Variants in AKAP19 observed in about 807,000 individuals in gnomAD.
The protein encoded by AKAP19 is A-kinase anchoring protein 19, also known as small A-kinase anchoring protein.
chr2:190,100,920 C>G, the AKAP19 span, among the ~76,000 whole-genome samples: 958 of 152,252 alleles, frequency 6.3e-3, 15 homozygotes, highest in African/African-American at 0.021. Context: ...CAGAGAGCCT[C>G]CCTCTGTAAC....
the AKAP19 span, among the ~76,000 whole-genome samples, chr2:190,115,443 C>G: frequency 2.2e-5 from 3 of 135,868 alleles, no homozygotes; most frequent in East Asian, 6.6e-4. Context: ...CCTCAGCCTC[C>G]CAAGTAGCTG....
At chr2:189,981,685 A>C in the AKAP19 span, among the ~76,000 whole-genome samples, 1 of 152,164 alleles carries the variant, frequency 6.6e-6, no homozygotes, top group African/African-American at 2.4e-5. Flanking sequence ...CATTTCTTGT[A>C]GTTTCAGCCT....
the AKAP19 span, among the ~76,000 whole-genome samples, chr2:189,936,259 TAC>T: frequency 0.19 from 27,720 of 148,928 alleles, 2,573 homozygotes; most frequent in Middle Eastern, 0.25. Flanking sequence ...GACTTGTTGA[TAC>T]ACACACACAC....
the AKAP19 span, among the ~76,000 whole-genome samples, chr2:190,153,690 TA>T: frequency 6.6e-6 from 1 of 152,208 alleles, no homozygotes; most frequent in Non-Finnish European, 1.5e-5. Flanking sequence ...TATGGTAAAT[TA>T]CATTAATATA....
chr2:190,152,251 C>G, the AKAP19 span, among the ~76,000 whole-genome samples: 1 of 152,180 alleles, frequency 6.6e-6, no homozygotes. Flanking sequence ...ATACTTTTAT[C>G]ATTTCATTTC....
chr2:189,978,057 G>A, the AKAP19 span, among the ~76,000 whole-genome samples: 1 of 152,070 alleles, frequency 6.6e-6, no homozygotes, highest in Non-Finnish European at 1.5e-5. Context: ...GGTGGGCTAG[G>A]CTAAGCTATC....
the AKAP19 span, among the ~76,000 whole-genome samples, chr2:190,038,901 T>TTTCTTTCTTTCTTCTTCTTC: frequency 4.3e-4 from 20 of 46,012 alleles, no homozygotes; most frequent in African/African-American, 1.4e-3. Flanking sequence ...TCTTTCTTTC[T>TTTCTTTCTTTCTTCTTCTTC]TTCTTCTTCT....
the AKAP19 span, among the ~76,000 whole-genome samples, chr2:189,957,704 G>T: frequency 2.0e-5 from 3 of 152,110 alleles, no homozygotes; most frequent in Non-Finnish European, 4.4e-5. Context: ...TAACAGCTGT[G>T]AAAAATAGTT....
the AKAP19 span, among the ~76,000 whole-genome samples, chr2:190,181,964 C>G: frequency 6.6e-6 from 1 of 152,264 alleles, no homozygotes; most frequent in Admixed American, 6.5e-5. Context: ...GCAGAATGGT[C>G]TGGAAGAATA....
chr2:190,097,859 CAA>C, the AKAP19 span, among the ~76,000 whole-genome samples: 12 of 64,482 alleles, frequency 1.9e-4, no homozygotes, highest in African/African-American at 7.0e-4. Context: ...TGGTTTCTAC[CAA>C]AAAAAAAAAA....
At chr2:189,981,831 C>A in the AKAP19 span, among the ~76,000 whole-genome samples, 1 of 152,140 alleles carries the variant, frequency 6.6e-6, no homozygotes. Flanking sequence ...AGATAGCCCC[C>A]AATCTCATCT....
chr2:190,057,278 C>T, the AKAP19 span: 1 of 1,613,278 alleles, frequency 6.2e-7, no homozygotes, highest in Non-Finnish European at 8.5e-7. Flanking sequence ...CCACAGCGGT[C>T]TACTACCATC....
At chr2:189,924,802 C>T in the AKAP19 span, among the ~76,000 whole-genome samples, 2 of 151,988 alleles carry the variant, frequency 1.3e-5, no homozygotes, top group African/African-American at 4.8e-5. Flanking sequence ...AAAGTTGATA[C>T]TGTGGGTTAT....
chr2:190,060,513 T>A, the AKAP19 span: 1 of 1,303,422 alleles, frequency 7.7e-7, no homozygotes. Flanking sequence ...TAGTTGAGCA[T>A]TTTTTTAAAT....
At chr2:189,883,710 A>G in the AKAP19 span, among the ~76,000 whole-genome samples, 2 of 151,818 alleles carry the variant, frequency 1.3e-5, no homozygotes, top group Admixed American at 1.3e-4. Flanking sequence ...CTTCATCTCT[A>G]TCTCCTTTAC....
At chr2:189,978,159 T>C in the AKAP19 span, among the ~76,000 whole-genome samples, 2 of 152,226 alleles carry the variant, frequency 1.3e-5, no homozygotes, top group South Asian at 4.1e-4. Flanking sequence ...GGTGTAATGC[T>C]TGGGGTTTGG....
At chr2:190,149,917 T>C in the AKAP19 span, among the ~76,000 whole-genome samples, 222 of 152,282 alleles carry the variant, frequency 1.5e-3, no homozygotes, top group African/African-American at 5.2e-3. Flanking sequence ...CAGTGGAGTA[T>C]TGAAATCTCC....
chr2:190,102,300 A>G, the AKAP19 span, among the ~76,000 whole-genome samples: 1 of 151,760 alleles, frequency 6.6e-6, no homozygotes, highest in Admixed American at 6.6e-5. Flanking sequence ...GAACAAACTA[A>G]CCCCAAGGCT....
chr2:189,928,886 T>C, the AKAP19 span, among the ~76,000 whole-genome samples: 1 of 152,176 alleles, frequency 6.6e-6, no homozygotes, highest in Non-Finnish European at 1.5e-5. Flanking sequence ...TAATGAATGA[T>C]TTTTCTTTAC....
Sources: gnomAD v4.1 joint callset for allele counts (sites outside exome capture counted in the v4.1 genomes callset) on GRCh38, gnomAD v4.1.1 for gene constraint, MANE v1.5 for transcripts, NCBI Gene and HGNC (gene_info 2026-07-23, HGNC 2026-07-21) for gene names.